The following CDHR2 variants were observed in gnomAD, a reference collection of about 807,000 sequenced individuals.
CDHR2 encodes cadherin related family member 2, also known as cadherin-related family member 2.
In CDHR2, 104 loss-of-function variants were observed where a neutral mutation model predicts 138.6. The observed-to-expected ratio is 0.75, with a 90% CI of 0.64 to 0.88. The LOEUF (loss-of-function observed/expected upper bound fraction) is 0.88. Ranked by LOEUF, CDHR2 falls within the 40% of genes least tolerant of loss-of-function variation. The pLI is 0.00. For missense variants in CDHR2, 1,624 were observed against 1,727.6 expected (o/e 0.94, Z 1.06); for synonymous variants, 755 against 742.8 (o/e 1.02, Z -0.27).
upstream of CDHR2, among the ~76,000 whole-genome samples, chr5:176,544,720 G>A (rs754351191): frequency 6.6e-6 from 1 of 152,202 alleles, no homozygotes; most frequent in Non-Finnish European, 1.5e-5. Flanking sequence ...TTACAGGCGT[G>A]AGCTACCGCG....
At chr5:176,573,222 C>A (rs778614841) in intron 6 of CDHR2, among the ~76,000 whole-genome samples, 2 of 151,606 alleles carry the variant, frequency 1.3e-5, no homozygotes, top group Non-Finnish European at 2.9e-5. Flanking sequence ...CGAGTGGCAG[C>A]CCAGGCTCGA....
intron 16 of CDHR2, 126 bp downstream of exon 16, chr5:176,578,734 CTG>C: frequency 2.3e-6 from 3 of 1,294,904 alleles, no homozygotes; most frequent in Non-Finnish European, 3.2e-6. Flanking sequence ...CTCAGAGTCT[CTG>C]TTTCCTCCCA....
intron 16 of CDHR2, among the ~76,000 whole-genome samples, chr5:176,580,251 G>A (rs1421750246): frequency 3.3e-5 from 5 of 152,046 alleles, no homozygotes. Flanking sequence ...GCTGACGGCC[G>A]GGCATGGTGG....
intron 1 of CDHR2, among the ~76,000 whole-genome samples, chr5:176,563,838 CCTTT>C (rs1758024242): frequency 6.6e-6 from 1 of 152,106 alleles, no homozygotes; most frequent in South Asian, 2.1e-4. Context: ...CAAATGTGTT[CCTTT>C]GTTTGCTTTC....
In CDHR2 at chr5:176,553,361, G is replaced by T. The variant is rs1003872556; in HGVS notation, c.-16+3947G>T. ...AAATGGTAATGGGGGCAAAGTGCTA[G>T]CCTCGGTACACGGCCCTTCCTTGCC... On this transcript the variant is annotated intron_variant, in intron 1 of 31. Coordinates refer to ENST00000261944, the MANE Select transcript of CDHR2 (RefSeq NM_017675.6). The surrounding 1 kb of genome is among the most constrained non-coding windows in gnomAD (Gnocchi z 4.3). 1.3e-5 allele frequency among the ~76,000 whole-genome samples: 2 copies of T among 152,314 alleles called. No homozygotes were observed. The highest frequency in any genetic ancestry group is 2.4e-5 in the African/African-American group (1 of 41,562).
intron 21 of CDHR2, among the ~76,000 whole-genome samples, chr5:176,587,218 C>G (rs1324895983): frequency 1.3e-5 from 2 of 152,166 alleles, no homozygotes; most frequent in Admixed American, 6.5e-5. Flanking sequence ...GAGGCCAAGG[C>G]AGGTGGATCA....
chr5:176,568,389 C>T (rs1474252853), intron 3 of CDHR2, among the ~76,000 whole-genome samples: 2 of 152,256 alleles, frequency 1.3e-5, no homozygotes, highest in Non-Finnish European at 2.9e-5. Flanking sequence ...TCTTGTGTCA[C>T]GGAAACTCGG....
intron 3 of CDHR2, chr5:176,567,224 A>G (rs1007994038): frequency 6.2e-6 from 2 of 321,228 alleles, no homozygotes; most frequent in African/African-American, 4.4e-5. Flanking sequence ...GCTGGAGTGT[A>G]GTGGTGCGAT....
At chr5:176,569,068 G>T (rs1042208361) in intron 5 of CDHR2, 58 bp downstream of exon 5, 6 of 1,550,614 alleles carry the variant, frequency 3.9e-6, no homozygotes, top group Middle Eastern at 1.7e-4. Flanking sequence ...TCCTGATTGT[G>T]TCCCCACCTC....
rs73343182 is a variant in CDHR2, at chr5:176,553,053, G to A, written c.-16+3639G>A. Among the ~76,000 whole-genome samples the A allele has an allele frequency of 6.6e-6, 1 of 152,186 alleles. No homozygotes were observed. The highest frequency in any genetic ancestry group is 2.4e-5 in the African/African-American group (1 of 41,432). ...CCATCCTGCCCTGTGAGATGGGGAG[G>A]GGGGAGTTGGGAGACACTTCCATGA... On this transcript the variant is annotated intron_variant, in intron 1 of 31. Coordinates refer to ENST00000261944, the MANE Select transcript of CDHR2 (RefSeq NM_017675.6). The surrounding 1 kb of genome is among the most constrained non-coding windows in gnomAD (Gnocchi z 4.3).
At chr5:176,564,226 C>T (rs183441642) in intron 1 of CDHR2, among the ~76,000 whole-genome samples, 36 of 152,210 alleles carry the variant, frequency 2.4e-4, no homozygotes, top group African/African-American at 7.7e-4. Context: ...CACTCTGTCT[C>T]CCAGGCTGGA....
chr5:176,567,511 A>G (rs1025456257), intron 3 of CDHR2, among the ~76,000 whole-genome samples: 3 of 149,918 alleles, frequency 2.0e-5, no homozygotes, highest in African/African-American at 7.4e-5. Context: ...TTTATTTTTG[A>G]GATGGAGTCT....
rs1313972595 is a variant in CDHR2 at position 176,543,040 on chromosome 5, C to T, written c.-16+271C>T. Among the ~76,000 whole-genome samples, 2 of 151,978 alleles carry T rather than the reference C, an allele frequency of 1.3e-5. No individual in the cohort carries two copies. Among genetic ancestry groups the T allele is most frequent in the Non-Finnish European group, 2.9e-5 (2 of 67,952 alleles). On this transcript the variant is annotated intron_variant, in intron 1 of 31. Coordinates refer to the CDHR2 transcript ENST00000510636. This position sits in a 1 kb window ranked among gnomAD's most constrained non-coding sequence, Gnocchi z 4.0. ...CGGGGGCTCGGAGTTCCCCGGGGCT[C>T]CCCGAGTTGGGGCGTTTGGACCTAG...
intron 5 of CDHR2, among the ~76,000 whole-genome samples, chr5:176,569,753 G>T (rs1758179804): frequency 6.6e-6 from 1 of 152,128 alleles, no homozygotes; most frequent in East Asian, 1.9e-4. Flanking sequence ...GAGGTCAGGG[G>T]TTCAAGACCA....
Position 176,576,127 on chromosome 5 carries a change from A to G in CDHR2, c.1136A>G (p.His379Arg), listed in dbSNP as rs1758374340. 1.2e-6 allele frequency: 2 copies of G among 1,613,752 alleles called. No homozygotes were observed. Among genetic ancestry groups the G allele is most frequent in the Admixed American group, 1.7e-5 (1 of 59,992 alleles). Residue 379 changes from histidine (H) to arginine (R), a missense_variant, in exon 12 of 32, where the codon CAT becomes CGT. By Grantham distance (29) the His-to-Arg change is conservative. Coordinates refer to ENST00000261944, the MANE Select transcript of CDHR2 (RefSeq NM_017675.6). The surrounding 1 kb of genome is among the most constrained non-coding windows in gnomAD (Gnocchi z 4.5). ...AACTTCACTGGCTACGTGGACGAGC[A>G]TGCCTCCCCCCGCATCCCCATCGAT... ...QVNFTGYVDE[H>R]ASPRIPIDDL...
At chr5:176,590,786 G>A in intron 28 of CDHR2, 99 bp downstream of exon 28, 1 of 1,506,266 alleles carries the variant, frequency 6.6e-7, no homozygotes. Flanking sequence ...TTAGGCACAG[G>A]TATACATGCA....
chr5:176,591,564 G>T, intron 30 of CDHR2, 80 bp downstream of exon 30: 1 of 995,504 alleles, frequency 1.0e-6, no homozygotes, highest in Non-Finnish European at 1.6e-6. Context: ...TGGTGTTGGT[G>T]GTGATGATGG....
chr5:176,543,603 G>A lies in CDHR2; in HGVS notation c.-16+834G>A, dbSNP rs1757512255. ...CCTGGCAGCCTCCGTGACCTTGGAGGAGTGACTTCGTTTTCTCGCCTGTGA... is the reference window on the plus strand; with the variant it reads ...CCTGGCAGCCTCCGTGACCTTGGAGAAGTGACTTCGTTTTCTCGCCTGTGA... On this transcript the variant is annotated intron_variant, in intron 1 of 31. Coordinates refer to the CDHR2 transcript ENST00000510636. The surrounding 1 kb of genome is among the most constrained non-coding windows in gnomAD (Gnocchi z 4.0). The A allele has an allele frequency of 6.6e-6, 1 of 152,252 alleles. No individual in the cohort carries two copies. The highest frequency in any genetic ancestry group is 2.1e-4 in the South Asian group (1 of 4,836). 9.4% of individuals were successfully genotyped at this position (152,252 alleles called of 1,614,324 possible). A position where few individuals can be genotyped will look rare whatever the true frequency, so the allele number is the denominator to read the frequency against.
At position 176,575,112 on chromosome 5, in the gene CDHR2, A is replaced by T; in HGVS notation, c.524A>T (p.His175Leu). The T allele has an allele frequency of 6.2e-7, 1 of 1,614,162 alleles. No individual in the cohort carries two copies. The highest frequency in any genetic ancestry group is 1.1e-5 in the South Asian group (1 of 91,084). Reference sequence around the variant, plus strand: ...ATCCCTAGCACTGGGGACAGCGAGCATCTCTTCCGGATCCTGGCCAATGGC... The same window carrying T: ...ATCCCTAGCACTGGGGACAGCGAGCTTCTCTTCCGGATCCTGGCCAATGGC... ...KVIPSTGDSE[H>L]LFRILANGSI... is the part of the protein sequence containing the mutation. The change falls in exon 8 of 32, where the codon CAT (histidine) becomes CTT (leucine). Residue 175 changes from histidine (H) to leucine (L), a missense_variant. His to Leu is a moderately conservative substitution (Grantham distance 99). Coordinates refer to ENST00000261944, the MANE Select transcript of CDHR2 (RefSeq NM_017675.6).
Sources: gnomAD v4.1 joint callset for allele counts (sites outside exome capture counted in the v4.1 genomes callset) on GRCh38, gnomAD v4.1.1 for gene constraint, Gnocchi (gnomAD v3.1) non-coding constraint, MANE v1.5 for transcripts, NCBI Gene and HGNC (gene_info 2026-07-23, HGNC 2026-07-21) for gene names.